The following ZEB2 variants were observed in gnomAD, a reference collection of about 807,000 sequenced individuals.
ZEB2 encodes zinc finger E-box binding homeobox 2.
In ZEB2, 6 loss-of-function variants were observed where a neutral mutation model predicts 99.9. That is an observed-to-expected ratio of 0.06 (90% CI 0.03 to 0.12). The LOEUF is 0.12. ZEB2 is among the 10% of genes least tolerant of loss of function. The probability of loss-of-function intolerance (pLI) is 1.00; values close to 1 mark genes in which losing one functional copy is unlikely to be tolerated. For missense variants in ZEB2, 969 were observed against 1,502.8 expected, an observed-to-expected ratio of 0.64 and a Z score of 5.87; for synonymous variants, 517 against 542.5, an observed-to-expected ratio of 0.95 and a Z score of 0.65.
chr2:144,404,139 G>A lies in ZEB2; in HGVS notation c.593-9C>T, dbSNP rs372216323. 1.7e-5 allele frequency: 28 copies of A among 1,613,496 alleles called. No homozygotes were observed. The highest frequency in any genetic ancestry group is 8.3e-5 in the Admixed American group (5 of 60,000). ...AGTTCCAGGTGGCAGGTCTGTAGCC[G>A]AGAGACAGAGAGAGAGAGAAGCGGG... is the stretch of plus-strand genomic sequence containing the variant. On this transcript the variant is annotated splice_polypyrimidine_tract_variant and intron_variant, in intron 5 of 9. Coordinates refer to ENST00000627532, the MANE Select transcript of ZEB2 (RefSeq NM_014795.4).
chr2:144,446,812 C>A (rs1264434498), intron 2 of ZEB2, among the ~76,000 whole-genome samples: 1 of 151,926 alleles, frequency 6.6e-6, no homozygotes, highest in East Asian at 1.9e-4. Flanking sequence ...GTCAGGAGTT[C>A]GAGACCAGCC....
intron 4 of ZEB2, among the ~76,000 whole-genome samples, chr2:144,417,704 A>C (rs1449163139): frequency 6.6e-6 from 1 of 152,222 alleles, no homozygotes; most frequent in East Asian, 1.9e-4. Context: ...AAGGGTGAAC[A>C]ATGAGAGATT....
chr2:144,462,515 G>A (rs912558214), intron 2 of ZEB2: 2 of 152,126 alleles, frequency 1.3e-5, no homozygotes, highest in African/African-American at 2.4e-5. Flanking sequence ...TTAGAGCTGC[G>A]TCATTTAGGA....
intron 2 of ZEB2, among the ~76,000 whole-genome samples, chr2:144,498,732 T>G (rs1321088895): frequency 1.3e-5 from 2 of 152,136 alleles, no homozygotes; most frequent in African/African-American, 4.8e-5. Flanking sequence ...CACTTTTCAT[T>G]TGTGTCCTAA....
rs772764893 is a variant in ZEB2, at chr2:144,389,645, G to A, written c.3451C>T (p.Leu1151=). 6.2e-7 allele frequency: 1 copy of A among 1,613,954 alleles called. No homozygotes were observed. Among genetic ancestry groups the A allele is most frequent in the African/African-American group, 1.3e-5 (1 of 74,988 alleles). The stretch of plus-strand genomic sequence containing the variant: ...TCCTCGTCGCCATCCTGTCTGCCCA[G>A]CTTCCCGTAGCCATCCTCGCCTTCT... ...EKEGEDGYGK[L]GRQDGDEEFE... is the part of the protein sequence containing the mutation. Residue 1151 remains leucine, a synonymous_variant, in exon 10 of 10, where the codon CTG becomes TTG. Coordinates refer to ENST00000627532, the MANE Select transcript of ZEB2 (RefSeq NM_014795.4). This position sits in a 1 kb window ranked among gnomAD's most constrained non-coding sequence, Gnocchi z 6.8.
chr2:144,480,574 ACT>A (rs910976491), intron 2 of ZEB2, among the ~76,000 whole-genome samples: 23 of 151,964 alleles, frequency 1.5e-4, no homozygotes, highest in African/African-American at 4.6e-4. Context: ...GCTTGGCCCT[ACT>A]CTGTTTGCAA....
At position 144,418,772 on chromosome 2, in the gene ZEB2, G is replaced by A. The variant is rs538081055; in HGVS notation, c.403+6024C>T. Reference sequence around the variant, plus strand: ...TCTAGTCTATGTTAGTTGTTGTACTGGGTGCTTTAAAAATGGCATGCCATG... The same window carrying A: ...TCTAGTCTATGTTAGTTGTTGTACTAGGTGCTTTAAAAATGGCATGCCATG... On this transcript the variant is annotated intron_variant, in intron 4 of 9. Transcript: ENST00000627532. Among the ~76,000 whole-genome samples the A allele has an allele frequency of 3.9e-5, 6 of 151,982 alleles. No homozygotes were observed. In the East Asian group the frequency reaches 1.2e-3, roughly 29 times the overall value.
intron 2 of ZEB2, among the ~76,000 whole-genome samples, chr2:144,497,132 G>C (rs1277298820): frequency 6.6e-6 from 1 of 151,986 alleles, no homozygotes; most frequent in Admixed American, 6.6e-5. Flanking sequence ...TCACTTGCTG[G>C]TGAAATCCAT....
At chr2:144,487,003 G>C (rs991225279) in intron 2 of ZEB2, among the ~76,000 whole-genome samples, 1 of 152,106 alleles carries the variant, frequency 6.6e-6, no homozygotes, top group Non-Finnish European at 1.5e-5. Flanking sequence ...TACTTAATTT[G>C]ATAGGAAACT....
chr2:144,485,108 C>T (rs1704575886), intron 2 of ZEB2, among the ~76,000 whole-genome samples: 1 of 152,156 alleles, frequency 6.6e-6, no homozygotes, highest in Admixed American at 6.5e-5. Context: ...AAAACTGCAT[C>T]TTGTCCCTGA....
At chr2:144,512,932 C>T in intron 2 of ZEB2, 1 of 1,287,234 alleles carries the variant, frequency 7.8e-7, no homozygotes, top group South Asian at 1.2e-5. Flanking sequence ...GCAAAACAGG[C>T]TCCCTAGAAG....
At chr2:144,515,760 CA>C (rs1296636878) in intron 2 of ZEB2, among the ~76,000 whole-genome samples, 1 of 147,764 alleles carries the variant, frequency 6.8e-6, no homozygotes, top group Non-Finnish European at 1.5e-5. Flanking sequence ...GCAAAAGACA[CA>C]CACACGCACA....
At chr2:144,512,101 C>A in intron 2 of ZEB2, 3 of 1,287,150 alleles carry the variant, frequency 2.3e-6, no homozygotes, top group Non-Finnish European at 2.0e-6. Flanking sequence ...ACAGTGGACA[C>A]CCCAGCACCA....
intron 2 of ZEB2, chr2:144,463,846 C>CA (rs563235478): frequency 5.8e-5 from 8 of 138,366 alleles, no homozygotes; most frequent in Non-Finnish European, 1.3e-4. Context: ...AAACAAAAAA[C>CA]AAAAAACAAA....
Position 144,389,392 on chromosome 2 carries a change from T to C in ZEB2, c.*59A>G. 6.3e-7 allele frequency: 1 copy of C among 1,585,772 alleles called. No homozygotes were observed. Among genetic ancestry groups the C allele is most frequent in the South Asian group, 1.1e-5 (1 of 90,516 alleles). On this transcript the variant is annotated 3_prime_UTR_variant, in exon 10 of 10. Coordinates refer to ENST00000627532, the MANE Select transcript of ZEB2 (RefSeq NM_014795.4). This position sits in a 1 kb window ranked among gnomAD's most constrained non-coding sequence, Gnocchi z 6.8. ...TGAACAGCTTAACACAGCAGTGTTTTCAAGCAGGTAACAATACTACTGGAA... is the reference window on the plus strand; with the variant it reads ...TGAACAGCTTAACACAGCAGTGTTTCCAAGCAGGTAACAATACTACTGGAA...
intron 4 of ZEB2, among the ~76,000 whole-genome samples, chr2:144,417,474 A>T (rs562860688): frequency 2.0e-5 from 3 of 152,296 alleles, no homozygotes; most frequent in Admixed American, 2.0e-4. Context: ...AGCTTTTTAG[A>T]TTCCACATAT....
At chr2:144,452,758 C>T (rs1360727743) in intron 2 of ZEB2, among the ~76,000 whole-genome samples, 1 of 152,072 alleles carries the variant, frequency 6.6e-6, no homozygotes, top group Non-Finnish European at 1.5e-5. Flanking sequence ...TTTAATCTGA[C>T]ACCGCCAGGC....
intron 2 of ZEB2, among the ~76,000 whole-genome samples, chr2:144,467,495 T>C (rs1704289448): frequency 6.6e-6 from 1 of 152,232 alleles, no homozygotes; most frequent in South Asian, 2.1e-4. Flanking sequence ...AGGAAAAAAA[T>C]GCATCAATAT....
At chr2:144,471,787 TTG>T (rs1183751521) in intron 2 of ZEB2, among the ~76,000 whole-genome samples, 1 of 149,212 alleles carries the variant, frequency 6.7e-6, no homozygotes, top group Admixed American at 6.6e-5. Flanking sequence ...TTGAAATCAC[TTG>T]TGTTTTTTTT....
Sources: gnomAD v4.1 joint callset for allele counts (sites outside exome capture counted in the v4.1 genomes callset) on GRCh38, gnomAD v4.1.1 for gene constraint, Gnocchi (gnomAD v3.1) non-coding constraint, MANE v1.5 for transcripts, NCBI Gene and HGNC (gene_info 2026-07-23, HGNC 2026-07-21) for gene names.